The following GDPD5 variants were observed in gnomAD, a reference collection of about 807,000 sequenced individuals.
The protein encoded by GDPD5 is glycerophosphodiester phosphodiesterase domain containing 5.
Under a neutral mutation model 75.1 loss-of-function variants are expected in GDPD5, and 48 were observed. The ratio of observed to expected loss-of-function variants is 0.64; its 90% CI spans 0.51 to 0.81. The LOEUF (loss-of-function observed/expected upper bound fraction) is 0.81, where lower values mean the gene tolerates loss of function less well. GDPD5 is among the 40% of genes least tolerant of loss of function. GDPD5 has a pLI of 0.00. For synonymous variants in GDPD5, 336 were observed against 339.0 expected (o/e 0.99, Z 0.10); for missense variants, 706 against 822.6 (o/e 0.86, Z 1.73).
At chr11:75,460,623 T>C (rs1949390252) in intron 4 of GDPD5, among the ~76,000 whole-genome samples, 1 of 151,944 alleles carries the variant, frequency 6.6e-6, no homozygotes, top group Admixed American at 6.6e-5. Flanking sequence ...TTTTTGTAGT[T>C]TTTGTAGAGA....
chr11:75,495,574 T>C (rs1950193573), intron 1 of GDPD5, among the ~76,000 whole-genome samples: 1 of 152,208 alleles, frequency 6.6e-6, no homozygotes, highest in Non-Finnish European at 1.5e-5. Flanking sequence ...CTTGATATTT[T>C]ATCACTCGCA....
intron 1 of GDPD5, among the ~76,000 whole-genome samples, chr11:75,499,965 C>T (rs1314717205): frequency 6.6e-6 from 1 of 152,228 alleles, no homozygotes; most frequent in East Asian, 1.9e-4. Context: ...CCTCCCCACA[C>T]CCCAGGGTGG....
intron 12 of GDPD5, 25 bp downstream of exon 12, chr11:75,442,338 G>A (rs779599639): frequency 7.4e-5 from 113 of 1,517,852 alleles, no homozygotes; most frequent in Non-Finnish European, 9.4e-5. Flanking sequence ...GCTCCCGGGG[G>A]CAGAGCTGCG....
At chr11:75,483,423 C>T (rs572715277) in intron 2 of GDPD5, among the ~76,000 whole-genome samples, 10 of 152,192 alleles carry the variant, frequency 6.6e-5, no homozygotes, top group African/African-American at 9.7e-5. Context: ...GTCTCATCCT[C>T]ACATCCCGGG....
At chr11:75,465,416 G>GT (rs1260762711) in intron 3 of GDPD5, among the ~76,000 whole-genome samples, 1 of 152,054 alleles carries the variant, frequency 6.6e-6, no homozygotes, top group Non-Finnish European at 1.5e-5. Context: ...TCAGAGCTCC[G>GT]TAACCCATGC....
chr11:75,456,730 C>T, intron 6 of GDPD5, 27 bp downstream of exon 6: 1 of 1,613,550 alleles, frequency 6.2e-7, no homozygotes, highest in East Asian at 2.2e-5. Flanking sequence ...CTTGCTCTCT[C>T]CCAGCCCCGG....
Position 75,462,766 on chromosome 11 carries a change from C to A in GDPD5, c.221+20G>T, listed in dbSNP as rs377399723. On this transcript the variant is annotated intron_variant, in intron 4 of 16. Coordinates refer to ENST00000336898, the MANE Select transcript of GDPD5 (RefSeq NM_030792.8). ...CCCAGCTCTGGGCCCCTTCCTCCCC[C>A]ACCCACTGCCCCTACTCACCAGTTG... 1.5e-5 allele frequency: 24 copies of A among 1,590,160 alleles called. No individual in the cohort carries two copies. Among genetic ancestry groups the A allele is most frequent in the South Asian group, 5.5e-5 (5 of 90,176 alleles).
chr11:75,470,583 G>T (rs1949639416), intron 3 of GDPD5, among the ~76,000 whole-genome samples: 1 of 152,028 alleles, frequency 6.6e-6, no homozygotes, highest in African/African-American at 2.4e-5. Context: ...TGCGGAGAGA[G>T]GTTTAAAAGC....
Position 75,449,018 on chromosome 11 carries a change from C to T in GDPD5, c.673G>A (p.Gly225Ser), listed in dbSNP as rs766301139. ...TGGCCAATGAGAGCAGGCTTGGGGC[C>T]GAGGTCTTTCTTCTCCATGATGCAG... Reference protein sequence around the residue: ...SPCIMEKKDLGPKPALIGHRG... With the variant: ...SPCIMEKKDLSPKPALIGHRG... The change falls in exon 9 of 17, where the codon GGC becomes AGC. Residue 225 changes from glycine (G) to serine (S), a missense_variant. Transcript: ENST00000336898. 5.5e-5 allele frequency: 89 copies of T among 1,605,258 alleles called. No homozygotes were observed. The Admixed American group carries it at 1.1e-3, about 20-fold the overall frequency.
At chr11:75,480,251 C>T (rs1038240550) in intron 2 of GDPD5, among the ~76,000 whole-genome samples, 3 of 151,574 alleles carry the variant, frequency 2.0e-5, no homozygotes, top group Admixed American at 2.0e-4. Context: ...AAGAAAATCG[C>T]TTAAACCTGG....
intron 6 of GDPD5, chr11:75,450,246 A>G: frequency 1.8e-6 from 1 of 565,746 alleles, no homozygotes. Context: ...AATGGAAGGG[A>G]GGATGGGGAC....
intron 3 of GDPD5, among the ~76,000 whole-genome samples, chr11:75,465,868 A>G (rs915526791): frequency 2.0e-5 from 3 of 152,120 alleles, no homozygotes; most frequent in African/African-American, 7.2e-5. Flanking sequence ...AAGGTAAAGC[A>G]CCTCCTGTAG....
chr11:75,453,726 T>C (rs1949224424), intron 6 of GDPD5, among the ~76,000 whole-genome samples: 1 of 151,546 alleles, frequency 6.6e-6, no homozygotes, highest in Admixed American at 6.6e-5. Flanking sequence ...AATTCATAAA[T>C]AGATCCAAAT....
At chr11:75,435,688 G>T in intron 16 of GDPD5, 33 bp from the exon 17 acceptor site, 2 of 1,566,624 alleles carry the variant, frequency 1.3e-6, no homozygotes, top group South Asian at 1.2e-5. Context: ...AATGTGAGTC[G>T]GGGAGGAGGC....
Position 75,462,769 on chromosome 11 carries a change from C to T in GDPD5, c.221+17G>A, listed in dbSNP as rs1949441732. On this transcript the variant is annotated intron_variant, in intron 4 of 16. Transcript: ENST00000336898. Reference sequence around the variant, plus strand: ...AGCTCTGGGCCCCTTCCTCCCCCACCCACTGCCCCTACTCACCAGTTGAAT... The same window carrying T: ...AGCTCTGGGCCCCTTCCTCCCCCACTCACTGCCCCTACTCACCAGTTGAAT... The T allele has an allele frequency of 6.3e-7, 1 of 1,596,564 alleles. No homozygotes were observed. The highest frequency in any genetic ancestry group is 8.6e-7 in the Non-Finnish European group (1 of 1,164,828).
intron 1 of GDPD5, among the ~76,000 whole-genome samples, chr11:75,520,091 G>C (rs1950725132): frequency 6.6e-6 from 1 of 152,226 alleles, no homozygotes; most frequent in Non-Finnish European, 1.5e-5. Context: ...ACACACCACT[G>C]TTCACAGGGA....
chr11:75,499,166 A>G (rs1207849391), intron 1 of GDPD5, among the ~76,000 whole-genome samples: 1 of 152,040 alleles, frequency 6.6e-6, no homozygotes, highest in African/African-American at 2.4e-5. Flanking sequence ...AGATGAGGAA[A>G]CTGAAGCTCA....
At chr11:75,457,929 C>T in intron 4 of GDPD5, 143 bp from the exon 5 acceptor site, 1 of 611,284 alleles carries the variant, frequency 1.6e-6, no homozygotes, top group South Asian at 2.0e-5. Context: ...GGCTCAGCGT[C>T]TGCCTGATGC....
chr11:75,477,760 T>TCACCATACTCGTGCCCAC lies in GDPD5; in HGVS notation c.-26_-25insGTGGGCACGAGTATGGTG, dbSNP rs1565204028. The TCACCATACTCGTGCCCAC allele has an allele frequency of 6.6e-7, 1 of 1,510,832 alleles. No homozygotes were observed. Among genetic ancestry groups the TCACCATACTCGTGCCCAC allele is most frequent in the South Asian group, 1.2e-5 (1 of 80,560 alleles). 93.6% of individuals were successfully genotyped at this position (1,510,832 alleles called of 1,614,324 possible). A position where few individuals can be genotyped will look rare whatever the true frequency, so the allele number is the denominator to read the frequency against. On this transcript the variant is annotated 5_prime_UTR_variant, in exon 3 of 17. The change creates a new upstream start codon in the 5' untranslated region. Coordinates refer to ENST00000336898, the MANE Select transcript of GDPD5 (RefSeq NM_030792.8). The stretch of plus-strand genomic sequence containing the variant: ...TACTCGTGCCCACGGCCCTGGCGCC[T>TCACCATACTCGTGCCCAC]GGCCCTCAGGCGCCCATGGAGGCCC...
Sources: allele counts gnomAD v4.1 joint callset (sites outside exome capture counted in the v4.1 genomes callset), GRCh38; gene constraint gnomAD v4.1.1; transcripts MANE v1.5; gene names NCBI Gene and HGNC (gene_info 2026-07-23, HGNC 2026-07-21).